The following TESC variants were observed in gnomAD, a reference collection of about 807,000 sequenced individuals.
The protein encoded by TESC is calcineurin B homologous protein 3.
A neutral mutation model predicts 31.0 loss-of-function variants in TESC; 19 were observed. The ratio of observed to expected loss-of-function variants is 0.61; its 90% CI spans 0.43 to 0.90. The LOEUF is 0.90. Ranked by LOEUF, TESC falls within the 40% of genes least tolerant of loss-of-function variation. The probability of loss-of-function intolerance (pLI) is 0.00; values close to 1 mark genes in which losing one functional copy is unlikely to be tolerated. For missense variants in TESC, 248 were observed against 303.8 expected (o/e 0.82, Z 1.36); for synonymous variants, 109 against 114.8 (o/e 0.95, Z 0.32).
At chr12:117,094,911 G>A (rs949964765) in intron 1 of TESC, among the ~76,000 whole-genome samples, 12 of 150,990 alleles carry the variant, frequency 7.9e-5, no homozygotes, top group Non-Finnish European at 1.2e-4. Flanking sequence ...AGCTACTCAC[G>A]AGGCTGAGGC....
intron 1 of TESC, among the ~76,000 whole-genome samples, chr12:117,083,467 T>C (rs182813093): frequency 1.3e-5 from 2 of 152,166 alleles, no homozygotes; most frequent in South Asian, 2.1e-4. Context: ...TGTTCATAAG[T>C]GCCAAGAGGT....
chr12:117,067,312 C>A (rs545940655), intron 2 of TESC, among the ~76,000 whole-genome samples: 2 of 152,166 alleles, frequency 1.3e-5, no homozygotes, highest in Non-Finnish European at 2.9e-5. Context: ...TGCCTGTAAT[C>A]CTAGCACTTT....
chr12:117,083,242 C>T (rs895576334), intron 1 of TESC, among the ~76,000 whole-genome samples: 1 of 152,184 alleles, frequency 6.6e-6, no homozygotes, highest in Non-Finnish European at 1.5e-5. Context: ...CCACGCTTGG[C>T]TAATTTCTAT....
Position 117,039,038 on chromosome 12 carries a change from C to A in TESC, c.*95G>T, listed in dbSNP as rs1276115937. The A allele has an allele frequency of 2.9e-6, 4 of 1,394,552 alleles. No homozygotes were observed. The African/African-American group carries it at 5.7e-5, about 20-fold the overall frequency. 86.4% of individuals were successfully genotyped at this position (1,394,552 alleles called of 1,614,324 possible). On this transcript the variant is annotated 3_prime_UTR_variant, in exon 8 of 8. Transcript: ENST00000335209. Reference sequence around the variant, plus strand: ...GAGCCTTGGCTATGTACCGGCGCTGCAGGAAGAGGCTGTCCGCCGGGCCTG... The same window carrying A: ...GAGCCTTGGCTATGTACCGGCGCTGAAGGAAGAGGCTGTCCGCCGGGCCTG...
intron 1 of TESC, among the ~76,000 whole-genome samples, chr12:117,089,322 C>G (rs1205843904): frequency 1.3e-5 from 2 of 152,078 alleles, no homozygotes; most frequent in African/African-American, 4.8e-5. Context: ...CTTCTAAAAC[C>G]CAGGGCACAC....
rs116517672 is a variant in TESC, at chr12:117,064,140, C to T, written c.129-7254G>A. On this transcript the variant is annotated intron_variant, in intron 2 of 7. Coordinates refer to ENST00000335209, the MANE Select transcript of TESC (RefSeq NM_017899.4). The stretch of plus-strand genomic sequence containing the variant: ...CTATATTTCCCAAGCTAGTCCTGAA[C>T]GCCTGGGCTCAAGTGATCCTCCCGC... Among the ~76,000 whole-genome samples the T allele has an allele frequency of 4.8e-3, 725 of 152,262 alleles. 7 individuals carry two copies. Among genetic ancestry groups the T allele is most frequent in the African/African-American group, 0.015 (640 of 41,544 alleles).
At chr12:117,050,875 A>C (rs1486051435) in intron 3 of TESC, among the ~76,000 whole-genome samples, 1 of 150,596 alleles carries the variant, frequency 6.6e-6, no homozygotes, top group Non-Finnish European at 1.5e-5. Context: ...CAGTGAGCCA[A>C]GATCACGCCA....
intron 3 of TESC, among the ~76,000 whole-genome samples, chr12:117,056,350 C>G (rs891398301): frequency 7.2e-6 from 1 of 138,960 alleles, no homozygotes; most frequent in Non-Finnish European, 1.5e-5. Flanking sequence ...AGCCACTGTG[C>G]CCAGCCTTAA....
intron 3 of TESC, among the ~76,000 whole-genome samples, chr12:117,049,559 T>C (rs994731046): frequency 1.3e-5 from 2 of 152,186 alleles, no homozygotes; most frequent in South Asian, 2.1e-4. Context: ...AAACAGCCCA[T>C]AGGCCCAATT....
Position 117,056,869 on chromosome 12 carries a change from T to C in TESC, c.146A>G (p.Asn49Ser), listed in dbSNP as rs752740344. Residue 49 changes from asparagine (N) to serine (S), a missense_variant, in exon 3 of 8, where the codon AAT (asparagine) becomes AGT (serine). Coordinates refer to ENST00000335209, the MANE Select transcript of TESC (RefSeq NM_017899.4). ...GGGGTTGAGCTCCAGGTCCGGGACA[T>C]TGTTGAAGTTCTCCTTGCTGGTTTC... ...QPTIRKENFN[N>S]VPDLELNPIR... 2 of 1,613,866 alleles carry C rather than the reference T, an allele frequency of 1.2e-6. No individual in the cohort carries two copies. The highest frequency in any genetic ancestry group is 1.3e-5 in the African/African-American group (1 of 74,890).
chr12:117,087,275 G>T (rs1250387826), intron 1 of TESC, among the ~76,000 whole-genome samples: 1 of 152,238 alleles, frequency 6.6e-6, no homozygotes, highest in Non-Finnish European at 1.5e-5. Flanking sequence ...AGCAGCAGCA[G>T]CTTGAAGATT....
intron 1 of TESC, among the ~76,000 whole-genome samples, chr12:117,082,030 C>T (rs554372957): frequency 2.0e-5 from 3 of 149,580 alleles, no homozygotes; most frequent in East Asian, 3.9e-4. Flanking sequence ...TCAAGACTAG[C>T]CTGGGCAAGA....
chr12:117,099,084 T>G, intron 1 of TESC, 141 bp downstream of exon 1: 2 of 873,852 alleles, frequency 2.3e-6, no homozygotes, highest in Non-Finnish European at 3.2e-6. Flanking sequence ...GGGGACCCAT[T>G]TGAAAGAGGA....
chr12:117,042,529 G>A (rs763178378), intron 6 of TESC, among the ~76,000 whole-genome samples: 8 of 152,226 alleles, frequency 5.3e-5, no homozygotes, highest in Non-Finnish European at 8.8e-5. Flanking sequence ...TGAGGCCCAC[G>A]CCTCATGCCT....
chr12:117,078,493 A>G (rs7960239), intron 1 of TESC, among the ~76,000 whole-genome samples: 5,000 of 152,274 alleles, frequency 0.033, 304 homozygotes, highest in African/African-American at 0.11. Flanking sequence ...CAGATTGGTC[A>G]AACACTTTTT....
chr12:117,070,952 C>T (rs563199668), intron 2 of TESC, among the ~76,000 whole-genome samples: 1 of 149,156 alleles, frequency 6.7e-6, no homozygotes, highest in East Asian at 2.0e-4. Context: ...GCCTGAGCAA[C>T]ACAGCGAGAC....
At chr12:117,052,225 G>A (rs1954657661) in intron 3 of TESC, among the ~76,000 whole-genome samples, 1 of 152,150 alleles carries the variant, frequency 6.6e-6, no homozygotes, top group Non-Finnish European at 1.5e-5. Context: ...CTTCTGTAAG[G>A]AATGGGGCGC....
rs192268526 is a variant in TESC at position 117,051,825 on chromosome 12, G to A, written c.210-2667C>T. 3.0e-3 allele frequency among the ~76,000 whole-genome samples: 454 copies of A among 152,298 alleles called. 2 individuals carry two copies. Among genetic ancestry groups the A allele is most frequent in the African/African-American group, 9.3e-3 (388 of 41,570 alleles). On this transcript the variant is annotated intron_variant, in intron 3 of 7. Coordinates refer to ENST00000335209, the MANE Select transcript of TESC (RefSeq NM_017899.4). ...CTCCGAGTGCTCCCGCAGGTCTGAA[G>A]AGACCAACATTCTGGTCTCCAAAGG...
intron 1 of TESC, chr12:117,084,116 TAGAC>T (rs1955185172): frequency 6.6e-6 from 1 of 150,678 alleles, no homozygotes; most frequent in African/African-American, 2.4e-5. Context: ...AAAAAAGAAT[TAGAC>T]AGTGGTGATG....
Sources: gnomAD v4.1 joint callset for allele counts (sites outside exome capture counted in the v4.1 genomes callset) on GRCh38, gnomAD v4.1.1 for gene constraint, MANE v1.5 for transcripts, NCBI Gene and HGNC (gene_info 2026-07-23, HGNC 2026-07-21) for gene names.